Variants in RAB3C observed in about 807,000 individuals in gnomAD.
The protein encoded by RAB3C is RAB3C, member RAS oncogene family.
RAB3C carries 17 observed loss-of-function variants against 26.4 expected under a neutral mutation model. The observed-to-expected ratio is 0.64, with a 90% CI of 0.44 to 0.97. RAB3C has a LOEUF of 0.97. Ranked by LOEUF, RAB3C falls within the 50% of genes least tolerant of loss-of-function variation. The probability of loss-of-function intolerance (pLI) is 0.00; values close to 1 mark genes in which losing one functional copy is unlikely to be tolerated. For synonymous variants in RAB3C, 91 were observed against 95.9 expected, an observed-to-expected ratio of 0.95 and a Z score of 0.30; for missense variants, 242 against 281.9, an observed-to-expected ratio of 0.86 and a Z score of 1.01.
chr5:58,624,855 T>G (rs779974878), intron 2 of RAB3C, among the ~76,000 whole-genome samples: 2 of 151,526 alleles, frequency 1.3e-5, no homozygotes, highest in Non-Finnish European at 2.9e-5. Context: ...ATCTGTAAAA[T>G]GAAGAGGATC....
At chr5:58,756,006 CTTT>C (rs2111968567) in intron 3 of RAB3C, among the ~76,000 whole-genome samples, 1 of 151,944 alleles carries the variant, frequency 6.6e-6, no homozygotes, top group East Asian at 1.9e-4. Flanking sequence ...CTTTTTAAAA[CTTT>C]TTATTTGGAA....
At chr5:58,677,082 T>G (rs1268845474) in intron 2 of RAB3C, among the ~76,000 whole-genome samples, 1 of 152,198 alleles carries the variant, frequency 6.6e-6, no homozygotes, top group Admixed American at 6.5e-5. Flanking sequence ...GCCTCCTCGC[T>G]TCTGTTATTC....
intron 3 of RAB3C, among the ~76,000 whole-genome samples, chr5:58,746,166 G>A (rs1741397662): frequency 6.6e-6 from 1 of 152,166 alleles, no homozygotes; most frequent in African/African-American, 2.4e-5. Context: ...ATTTCTGTAG[G>A]ATTGATGATG....
intron 1 of RAB3C, among the ~76,000 whole-genome samples, chr5:58,589,335 T>G (rs950260926): frequency 6.6e-6 from 1 of 152,182 alleles, no homozygotes; most frequent in Non-Finnish European, 1.5e-5. Context: ...TTAAGTATTT[T>G]TTTGCATTAG....
chr5:58,635,949 C>G (rs1023245442), intron 2 of RAB3C, among the ~76,000 whole-genome samples: 8 of 152,124 alleles, frequency 5.3e-5, no homozygotes, highest in African/African-American at 1.9e-4. Context: ...GAGAAAAGAA[C>G]ACATTGAAAA....
At chr5:58,837,557 CTTTTT>C (rs36020735) in intron 4 of RAB3C, among the ~76,000 whole-genome samples, 3 of 118,898 alleles carry the variant, frequency 2.5e-5, no homozygotes, top group South Asian at 2.8e-4. Context: ...TTCAGTCTCT[CTTTTT>C]TTTTTTTTTT....
intron 3 of RAB3C, among the ~76,000 whole-genome samples, chr5:58,762,200 T>C (rs1024464568): frequency 1.3e-5 from 2 of 152,202 alleles, no homozygotes; most frequent in African/African-American, 4.8e-5. Context: ...GTACTTTATA[T>C]GTGCAGCACA....
chr5:58,726,624 C>T lies in RAB3C; in HGVS notation c.371+504C>T, dbSNP rs577626675. On this transcript the variant is annotated intron_variant, in intron 3 of 4. Coordinates refer to ENST00000282878, the MANE Select transcript of RAB3C (RefSeq NM_138453.4). ...TTGCCGGTAAAGCCTAAAATATTTT[C>T]GATCTGTCCATTTATGAAAAAAGTT... Among the ~76,000 whole-genome samples, 412 of 151,924 alleles carry T rather than the reference C, an allele frequency of 2.7e-3. 2 individuals are homozygous for T. The highest frequency in any genetic ancestry group is 4.4e-3 in the Non-Finnish European group (300 of 67,904).
intron 1 of RAB3C, among the ~76,000 whole-genome samples, chr5:58,615,468 A>T (rs915629078): frequency 6.6e-6 from 1 of 152,218 alleles, no homozygotes; most frequent in Non-Finnish European, 1.5e-5. Flanking sequence ...CAATGTCTGC[A>T]GGAATAGCAC....
Position 58,677,542 on chromosome 5 carries a change from T to C in RAB3C, c.253-48460T>C, listed in dbSNP as rs115622554. ...TTTACTGAATAGTTAGTGCTAATTATAGTGTTTTATCCATTATATTATTCT... is the reference window on the plus strand; with the variant it reads ...TTTACTGAATAGTTAGTGCTAATTACAGTGTTTTATCCATTATATTATTCT... On this transcript the variant is annotated intron_variant, in intron 2 of 4. Coordinates refer to ENST00000282878, the MANE Select transcript of RAB3C (RefSeq NM_138453.4). 6.4e-3 allele frequency among the ~76,000 whole-genome samples: 975 copies of C among 152,356 alleles called. 2 individuals carry two copies. The highest frequency in any genetic ancestry group is 9.7e-3 in the Non-Finnish European group (658 of 68,022).
chr5:58,646,142 C>A (rs158968), intron 2 of RAB3C, among the ~76,000 whole-genome samples: 120,149 of 151,974 alleles, frequency 0.79, 47,834 homozygotes, highest in African/African-American at 0.88. Context: ...TCTTTGAGTG[C>A]TAGGAAGCCT....
intron 1 of RAB3C, among the ~76,000 whole-genome samples, chr5:58,586,227 C>T (rs2111647660): frequency 6.6e-6 from 1 of 151,978 alleles, no homozygotes; most frequent in Non-Finnish European, 1.5e-5. Context: ...AAAATCCTAG[C>T]AGTCACTATT....
chr5:58,630,705 T>G (rs1747170099), intron 2 of RAB3C, among the ~76,000 whole-genome samples: 1 of 152,196 alleles, frequency 6.6e-6, no homozygotes, highest in Admixed American at 6.5e-5. Context: ...GGTATTCTTG[T>G]GAGAGTAGTT....
intron 2 of RAB3C, among the ~76,000 whole-genome samples, chr5:58,680,503 A>G (rs1178323942): frequency 6.6e-6 from 1 of 152,232 alleles, no homozygotes; most frequent in African/African-American, 2.4e-5. Context: ...CCCTACTAGT[A>G]TAACAAATCA....
chr5:58,624,902 C>T (rs1747021089), intron 2 of RAB3C, among the ~76,000 whole-genome samples: 1 of 152,118 alleles, frequency 6.6e-6, no homozygotes, highest in South Asian at 2.1e-4. Context: ...AAAAAACCCC[C>T]AATCTGGCAT....
At chr5:58,786,780 A>G (rs1304085495) in intron 3 of RAB3C, among the ~76,000 whole-genome samples, 1 of 152,122 alleles carries the variant, frequency 6.6e-6, no homozygotes, top group Admixed American at 6.6e-5. Context: ...GTCAAAAAAA[A>G]AAATCTACTT....
chr5:58,585,351 C>G (rs969507660), intron 1 of RAB3C, among the ~76,000 whole-genome samples: 1 of 151,906 alleles, frequency 6.6e-6, no homozygotes, highest in Non-Finnish European at 1.5e-5. Context: ...TCACATTTCA[C>G]GTGACTTTGA....
intron 4 of RAB3C, among the ~76,000 whole-genome samples, chr5:58,839,688 T>C (rs996375897): frequency 5.3e-5 from 8 of 152,132 alleles, no homozygotes; most frequent in Middle Eastern, 3.2e-3. Flanking sequence ...TTCTCTTTTT[T>C]CCTTCATATA....
intron 2 of RAB3C, among the ~76,000 whole-genome samples, chr5:58,662,656 G>A (rs1747928214): frequency 6.7e-6 from 1 of 150,154 alleles, no homozygotes; most frequent in South Asian, 2.1e-4. Flanking sequence ...ATGAATCTCA[G>A]AAACATGCAA....
Sources: allele counts gnomAD v4.1 joint callset (sites outside exome capture counted in the v4.1 genomes callset), GRCh38; gene constraint gnomAD v4.1.1; transcripts MANE v1.5; gene names NCBI Gene and HGNC (gene_info 2026-07-23, HGNC 2026-07-21).